ST8SIA4: variants seen among roughly 807,000 people sequenced by gnomAD.
ST8SIA4 encodes the protein ST8 alpha-N-acetyl-neuraminide alpha-2,8-sialyltransferase 4, also known as CMP-N-acetylneuraminate-poly-alpha-2,8-sialyltransferase.
In ST8SIA4, 15 loss-of-function variants were observed where a neutral mutation model predicts 33.9. The observed-to-expected ratio is 0.44, with a 90% confidence interval of 0.30 to 0.68. ST8SIA4 has a LOEUF of 0.68. Ranked by LOEUF, ST8SIA4 falls within the 30% of genes least tolerant of loss-of-function variation. The pLI, the probability that ST8SIA4 is intolerant of heterozygous loss-of-function variation, is 0.10. For synonymous variants in ST8SIA4, 171 were observed against 151.2 expected (o/e 1.13, Z -0.96); for missense variants, 321 against 428.0 (o/e 0.75, Z 2.21).
chr5:100,852,361 A>C (rs1473707413), intron 4 of ST8SIA4, among the ~76,000 whole-genome samples: 2 of 151,616 alleles, frequency 1.3e-5, no homozygotes, highest in Non-Finnish European at 2.9e-5. Flanking sequence ...ACCTCAGGTA[A>C]TCCACGCACC....
chr5:100,875,369 A>G (rs1457232606), intron 3 of ST8SIA4, among the ~76,000 whole-genome samples: 2 of 152,192 alleles, frequency 1.3e-5, no homozygotes, highest in Non-Finnish European at 2.9e-5. Context: ...ATTATGTGTG[A>G]TATCTAAAGA....
chr5:100,876,481 A>G (rs1017705612), intron 3 of ST8SIA4, among the ~76,000 whole-genome samples: 1 of 152,066 alleles, frequency 6.6e-6, no homozygotes, highest in African/African-American at 2.4e-5. Flanking sequence ...CTTTTTTTAT[A>G]AACCTTTCTT....
At chr5:100,885,606 G>C (rs1052645703) in intron 3 of ST8SIA4, 1 of 932,944 alleles carries the variant, frequency 1.1e-6, no homozygotes, top group Admixed American at 6.2e-5. Flanking sequence ...ATTTTTCTAA[G>C]GAACTAAAAC....
At chr5:100,832,953 T>C (rs952440714) in intron 4 of ST8SIA4, among the ~76,000 whole-genome samples, 1 of 152,134 alleles carries the variant, frequency 6.6e-6, no homozygotes, top group Non-Finnish European at 1.5e-5. Context: ...TGATTTACCC[T>C]GAGGAAAGTA....
chr5:100,893,424 T>C (rs1752714870), intron 2 of ST8SIA4, among the ~76,000 whole-genome samples: 1 of 152,172 alleles, frequency 6.6e-6, no homozygotes, highest in Admixed American at 6.6e-5. Context: ...TATTGTTTAT[T>C]TCTTTAATCT....
At chr5:100,837,238 A>G (rs569043185) in intron 4 of ST8SIA4, among the ~76,000 whole-genome samples, 87 of 152,018 alleles carry the variant, frequency 5.7e-4, no homozygotes, top group Non-Finnish European at 1.2e-3. Flanking sequence ...ACTCCACTTT[A>G]GGGATTATTA....
At chr5:100,899,119 C>G (rs757426999) in intron 1 of ST8SIA4, among the ~76,000 whole-genome samples, 2 of 152,102 alleles carry the variant, frequency 1.3e-5, no homozygotes, top group Non-Finnish European at 2.9e-5. Flanking sequence ...TCTCAAAAGC[C>G]CCGTATTCCA....
chr5:100,895,563 C>G, intron 2 of ST8SIA4, 91 bp downstream of exon 2: 1 of 1,254,040 alleles, frequency 8.0e-7, no homozygotes, highest in Non-Finnish European at 1.1e-6. Flanking sequence ...CATACTTAAA[C>G]CATAAATCCA....
intron 2 of ST8SIA4, among the ~76,000 whole-genome samples, chr5:100,887,157 T>C (rs758272171): frequency 2.6e-5 from 4 of 152,100 alleles, no homozygotes; most frequent in African/African-American, 7.2e-5. Flanking sequence ...TAGCAATAGA[T>C]GTATATGCAA....
rs1751629528 is a variant in ST8SIA4, at chr5:100,849,044, G to A, written c.797+7059C>T. 6.4e-6 allele frequency: 5 copies of A among 785,426 alleles called. No homozygotes were observed. In the South Asian group the frequency reaches 2.3e-4, roughly 37 times the overall value. The allele number at this position is 785,426 out of a possible 1,614,324, so 48.7% of individuals were successfully genotyped here. A position where few individuals can be genotyped will look rare whatever the true frequency, so the allele number is the denominator to read the frequency against. On this transcript the variant is annotated intron_variant, in intron 4 of 4. Transcript: ENST00000231461. ...TAAAGAATAAATATCAAGAGAAAAT[G>A]ACTTTAAAGAAGAAATACTTTAGAA... is the stretch of plus-strand genomic sequence containing the variant.
At chr5:100,853,246 T>G (rs1308298005) in intron 4 of ST8SIA4, among the ~76,000 whole-genome samples, 1 of 152,206 alleles carries the variant, frequency 6.6e-6, no homozygotes. Flanking sequence ...AGTACACACA[T>G]TAGGTCAAAA....
intron 3 of ST8SIA4, among the ~76,000 whole-genome samples, chr5:100,867,528 T>G (rs1752093627): frequency 6.6e-6 from 1 of 152,038 alleles, no homozygotes; most frequent in Non-Finnish European, 1.5e-5. Context: ...AAAACTATAA[T>G]TGTTCCCTTT....
At chr5:100,826,243 C>T (rs759531701) in intron 4 of ST8SIA4, among the ~76,000 whole-genome samples, 13 of 152,056 alleles carry the variant, frequency 8.5e-5, no homozygotes, top group South Asian at 2.1e-4. Flanking sequence ...TTCCCCTATT[C>T]GTTGTTTCTT....
rs1363959053 is a variant in ST8SIA4 at position 100,900,008 on chromosome 5, G to C, written c.113+2835C>G. ...AACATGTCGCAGGTATTCCTTTGGA[G>C]ATATGAGAATGTGGATGGTTGGTGA... On this transcript the variant is annotated intron_variant, in intron 1 of 4. Transcript: ENST00000231461. Among the ~76,000 whole-genome samples the C allele has an allele frequency of 2.6e-5, 4 of 152,192 alleles. No homozygotes were observed. In the East Asian group the frequency reaches 7.7e-4, roughly 29 times the overall value.
At chr5:100,895,393 C>T (rs1050752950) in intron 2 of ST8SIA4, among the ~76,000 whole-genome samples, 1 of 151,988 alleles carries the variant, frequency 6.6e-6, no homozygotes, top group African/African-American at 2.4e-5. Context: ...AATATCAGTA[C>T]TCTGCTGAAT....
At chr5:100,894,650 T>C (rs1228973086) in intron 2 of ST8SIA4, among the ~76,000 whole-genome samples, 2 of 152,040 alleles carry the variant, frequency 1.3e-5, no homozygotes, top group African/African-American at 2.4e-5. Flanking sequence ...CTCCAAAACA[T>C]TGTGTGAAAT....
intron 4 of ST8SIA4, among the ~76,000 whole-genome samples, chr5:100,820,326 G>A (rs748199164): frequency 5.3e-5 from 8 of 151,954 alleles, no homozygotes; most frequent in East Asian, 3.9e-4. Flanking sequence ...CTCTTCAATC[G>A]CATTATAGAG....
Position 100,842,319 on chromosome 5 carries a change from G to C in ST8SIA4, c.797+13784C>G, listed in dbSNP as rs967272243. On this transcript the variant is annotated intron_variant, in intron 4 of 4. Coordinates refer to ENST00000231461, the MANE Select transcript of ST8SIA4 (RefSeq NM_005668.6). ...AGGAAATAATTGTGAGCTGAGCAAA[G>C]AACAAAATTTTAGCAACATTGATTC... 1.3e-5 allele frequency among the ~76,000 whole-genome samples: 2 copies of C among 151,810 alleles called. 1 individual carries two copies. The highest frequency in any genetic ancestry group is 4.8e-5 in the African/African-American group (2 of 41,410).
intron 3 of ST8SIA4, among the ~76,000 whole-genome samples, chr5:100,863,358 C>T (rs114347627): frequency 0.017 from 2,551 of 152,122 alleles, 29 homozygotes; most frequent in Admixed American, 0.025. Context: ...GAAAAATGAC[C>T]CACTTCTGAG....
Sources: gnomAD v4.1 joint callset for allele counts (sites outside exome capture counted in the v4.1 genomes callset) on GRCh38, gnomAD v4.1.1 for gene constraint, MANE v1.5 for transcripts, NCBI Gene and HGNC (gene_info 2026-07-23, HGNC 2026-07-21) for gene names.